CDH13: variants seen among roughly 807,000 people sequenced by gnomAD.
CDH13 encodes cadherin 13.
CDH13 carries 24 observed loss-of-function variants against 63.8 expected under a neutral mutation model. The observed-to-expected ratio is 0.38, with a 90% CI of 0.27 to 0.53. The LOEUF (loss-of-function observed/expected upper bound fraction) is 0.53, where lower values mean the gene tolerates loss of function less well. Among genes scored for constraint, CDH13 ranks in the 20% least tolerant of loss-of-function variants. CDH13 has a pLI of 0.85. For missense variants in CDH13, 1,049 were observed against 903.1 expected, an observed-to-expected ratio of 1.16 and a Z score of -2.07; for synonymous variants, 503 against 355.3, an observed-to-expected ratio of 1.42 and a Z score of -4.67.
intron 5 of CDH13, among the ~76,000 whole-genome samples, chr16:83,291,391 C>T (rs1010874500): frequency 2.0e-5 from 3 of 152,000 alleles, no homozygotes; most frequent in African/African-American, 7.3e-5. Flanking sequence ...CACCTCACTC[C>T]CAGCTTCTAG....
chr16:83,095,640 G>T (rs1026472703), intron 3 of CDH13, among the ~76,000 whole-genome samples: 4 of 152,208 alleles, frequency 2.6e-5, no homozygotes, highest in Admixed American at 2.6e-4. Context: ...TATGGTAGAT[G>T]CTCAACACAG....
intron 7 of CDH13, among the ~76,000 whole-genome samples, chr16:83,596,134 G>A (rs1567793542): frequency 6.6e-6 from 1 of 152,206 alleles, no homozygotes; most frequent in Non-Finnish European, 1.5e-5. Flanking sequence ...TCTTGAGAAT[G>A]GGGTTGACCT....
chr16:82,869,101 C>T (rs1239562914), intron 2 of CDH13, among the ~76,000 whole-genome samples: 3 of 152,166 alleles, frequency 2.0e-5, no homozygotes, highest in Non-Finnish European at 4.4e-5. Context: ...GGCTGGAGTG[C>T]AGTGGCGCAA....
intron 9 of CDH13, among the ~76,000 whole-genome samples, chr16:83,674,160 G>A (rs182036292): frequency 3.5e-4 from 53 of 152,316 alleles, no homozygotes; most frequent in African/African-American, 1.2e-3. Context: ...GTAACAGAAT[G>A]TTAGACTAAT....
At chr16:82,883,591 C>T (rs1004261595) in intron 2 of CDH13, among the ~76,000 whole-genome samples, 9 of 152,338 alleles carry the variant, frequency 5.9e-5, no homozygotes, top group Non-Finnish European at 4.4e-5. Flanking sequence ...CAGTAGGCAT[C>T]TTTCTGTTAC....
intron 8 of CDH13, among the ~76,000 whole-genome samples, chr16:83,635,256 A>G (rs1008102469): frequency 2.1e-5 from 3 of 145,606 alleles, no homozygotes; most frequent in Non-Finnish European, 3.0e-5. Context: ...ATGTCTAACT[A>G]TGTCTTTTGC....
chr16:83,187,789 T>C (rs62037378), intron 4 of CDH13, among the ~76,000 whole-genome samples: 10,923 of 152,064 alleles, frequency 0.072, 445 homozygotes, highest in African/African-American at 0.082. Context: ...GTTAATAAAA[T>C]ACATGGTGTG....
At chr16:83,031,734 C>T (rs1483129808) in intron 2 of CDH13, among the ~76,000 whole-genome samples, 2 of 152,158 alleles carry the variant, frequency 1.3e-5, no homozygotes, top group Non-Finnish European at 2.9e-5. Flanking sequence ...CCAGATCTGA[C>T]TCTTCACTCC....
chr16:83,670,710 T>C (rs1364048135), intron 8 of CDH13, 80 bp from the exon 9 acceptor site: 5 of 1,213,964 alleles, frequency 4.1e-6, no homozygotes, highest in Non-Finnish European at 6.0e-6. Flanking sequence ...ATGATGTGTG[T>C]AACATACCCA....
At position 82,741,046 on chromosome 16, in the gene CDH13, A is replaced by G. The variant is rs567721270; in HGVS notation, c.45+113909A>G. The stretch of plus-strand genomic sequence containing the variant: ...ATTTTATAGTTAACCTTGACCTAGT[A>G]TACATACTCTCTCACTCTCACTCTC... On this transcript the variant is annotated intron_variant, in intron 1 of 13. Coordinates refer to ENST00000567109, the MANE Select transcript of CDH13 (RefSeq NM_001257.5). 2.6e-5 allele frequency among the ~76,000 whole-genome samples: 4 copies of G among 152,250 alleles called. No homozygotes were observed. The East Asian group carries it at 5.8e-4, about 22-fold the overall frequency.
At chr16:83,602,107 C>CAACAAAAAAA (rs1907874265) in intron 7 of CDH13, among the ~76,000 whole-genome samples, 1 of 7,958 alleles carries the variant, frequency 1.3e-4, no homozygotes, top group Non-Finnish European at 1.9e-4. Flanking sequence ...AGAACAACAA[C>CAACAAAAAAA]AAAAAAAAAA....
At chr16:83,747,718 G>C (rs1223260494) in intron 10 of CDH13, among the ~76,000 whole-genome samples, 1 of 149,238 alleles carries the variant, frequency 6.7e-6, no homozygotes, top group Non-Finnish European at 1.5e-5. Context: ...GATGTGCCCT[G>C]CTTGTACCTT....
chr16:83,208,675 C>T (rs1209802384), intron 4 of CDH13, among the ~76,000 whole-genome samples: 1 of 152,132 alleles, frequency 6.6e-6, no homozygotes, highest in African/African-American at 2.4e-5. Flanking sequence ...CAGTGCTGTT[C>T]ACATGTGATT....
intron 3 of CDH13, among the ~76,000 whole-genome samples, chr16:83,109,561 C>A (rs2034960065): frequency 6.6e-6 from 1 of 152,074 alleles, no homozygotes; most frequent in Admixed American, 6.5e-5. Context: ...TGCGGGTTTT[C>A]TAACAGGGGC....
chr16:83,472,666 T>G (rs1210997876), intron 6 of CDH13, among the ~76,000 whole-genome samples: 1 of 152,126 alleles, frequency 6.6e-6, no homozygotes, highest in Non-Finnish European at 1.5e-5. Context: ...AACATTGCAA[T>G]CTGGAAAAGC....
chr16:83,249,507 C>G (rs911609974), intron 5 of CDH13, among the ~76,000 whole-genome samples: 2 of 152,186 alleles, frequency 1.3e-5, no homozygotes, highest in Non-Finnish European at 2.9e-5. Context: ...TAAAACTTCA[C>G]TGATTTATCT....
chr16:83,480,920 C>T (rs984572365), intron 6 of CDH13, among the ~76,000 whole-genome samples: 1 of 152,222 alleles, frequency 6.6e-6, no homozygotes, highest in Non-Finnish European at 1.5e-5. Flanking sequence ...TGGTCTAAGG[C>T]TTGTCTTCTG....
intron 6 of CDH13, among the ~76,000 whole-genome samples, chr16:83,440,018 C>A (rs1261776332): frequency 6.6e-6 from 1 of 152,134 alleles, no homozygotes; most frequent in Non-Finnish European, 1.5e-5. Context: ...GGTGGACCCA[C>A]GGTGTCTGTG....
intron 5 of CDH13, among the ~76,000 whole-genome samples, chr16:83,284,976 C>T (rs956482385): frequency 6.6e-6 from 1 of 152,134 alleles, no homozygotes; most frequent in Non-Finnish European, 1.5e-5. Context: ...ATCTAGCCAG[C>T]TTCTATACAC....
Sources: allele counts gnomAD v4.1 joint callset (sites outside exome capture counted in the v4.1 genomes callset), GRCh38; gene constraint gnomAD v4.1.1; transcripts MANE v1.5; gene names NCBI Gene and HGNC (gene_info 2026-07-23, HGNC 2026-07-21).